Variants in MECOM observed in about 807,000 individuals in gnomAD.
MECOM encodes the protein MDS1 and EVI1 complex locus.
MECOM carries 13 observed loss-of-function variants against 116.3 expected under a neutral mutation model. The ratio of observed to expected loss-of-function variants is 0.11; its 90% CI spans 0.07 to 0.18. The LOEUF (loss-of-function observed/expected upper bound fraction) is 0.18, where lower values mean the gene tolerates loss of function less well. Ranked by LOEUF, MECOM falls within the 10% of genes least tolerant of loss-of-function variation. The pLI is 1.00. For missense variants in MECOM, 1,299 were observed against 1,509.0 expected, an observed-to-expected ratio of 0.86 and a Z score of 2.31; for synonymous variants, 528 against 535.2, an observed-to-expected ratio of 0.99 and a Z score of 0.19.
intron 1 of MECOM, among the ~76,000 whole-genome samples, chr3:169,542,429 G>A (rs1005544801): frequency 6.6e-6 from 1 of 152,106 alleles, no homozygotes; most frequent in Admixed American, 6.6e-5. Flanking sequence ...ATGCCCTGGG[G>A]ATTTAGTTGG....
At chr3:169,331,695 A>T (rs1014913834) in intron 2 of MECOM, among the ~76,000 whole-genome samples, 1 of 152,152 alleles carries the variant, frequency 6.6e-6, no homozygotes, top group African/African-American at 2.4e-5. Flanking sequence ...AATTGACCCT[A>T]CTATAAAAAT....
intron 2 of MECOM, among the ~76,000 whole-genome samples, chr3:169,352,874 G>A (rs1010526895): frequency 1.3e-5 from 2 of 151,874 alleles, no homozygotes; most frequent in African/African-American, 4.8e-5. Context: ...ACAATTTCTT[G>A]ATTAAAAATG....
intron 2 of MECOM, among the ~76,000 whole-genome samples, chr3:169,151,244 T>C (rs1244035000): frequency 6.6e-6 from 1 of 152,236 alleles, no homozygotes; most frequent in East Asian, 1.9e-4. Context: ...TGTCCACTTT[T>C]AATAGGCTTC....
intron 2 of MECOM, among the ~76,000 whole-genome samples, chr3:169,284,919 C>A (rs1712951501): frequency 6.6e-6 from 1 of 152,154 alleles, no homozygotes; most frequent in Admixed American, 6.5e-5. Context: ...CCATCTCGGG[C>A]AGTGACCCCA....
intron 8 of MECOM, among the ~76,000 whole-genome samples, chr3:169,114,376 C>A (rs1194561762): frequency 6.6e-6 from 1 of 152,050 alleles, no homozygotes; most frequent in Non-Finnish European, 1.5e-5. Flanking sequence ...CTTGTTAACG[C>A]ATTATAGATA....
At chr3:169,473,445 C>T (rs949657052) in intron 1 of MECOM, among the ~76,000 whole-genome samples, 1 of 152,124 alleles carries the variant, frequency 6.6e-6, no homozygotes, top group African/African-American at 2.4e-5. Flanking sequence ...TCTTGCTGTC[C>T]TACAGGTTAG....
rs56270349 is a variant in MECOM at position 169,659,440 on chromosome 3, A to ATTTTTTTTTTTTTTT, written c.37+3881_37+3895dup. On this transcript the variant is annotated intron_variant, in intron 1 of 16. Coordinates refer to ENST00000651503, the MANE Select transcript of MECOM (RefSeq NM_004991.4). ...GTAATTAACCTTCCCCTAAACACAG[A>ATTTTTTTTTTTTTTT]TTTTTTTTTTTTTTTTTTTTTTTTT... 4.2e-4 allele frequency among the ~76,000 whole-genome samples: 26 copies of ATTTTTTTTTTTTTTT among 62,142 alleles called. 6 individuals carry two copies. The highest frequency in any genetic ancestry group is 1.4e-3 in the Admixed American group (5 of 3,636). The allele number at this position is 62,142 out of a possible 152,430, so 40.8% of individuals were successfully genotyped here.
intron 2 of MECOM, among the ~76,000 whole-genome samples, chr3:169,357,805 G>A (rs565167829): frequency 1.3e-5 from 2 of 151,704 alleles, no homozygotes; most frequent in Non-Finnish European, 2.9e-5. Context: ...ATGAAAACTA[G>A]AGAAAATAAA....
At chr3:169,403,438 G>T (rs1736194069) in intron 1 of MECOM, among the ~76,000 whole-genome samples, 1 of 152,214 alleles carries the variant, frequency 6.6e-6, no homozygotes, top group Non-Finnish European at 1.5e-5. Flanking sequence ...CAATAAAATA[G>T]TGTCACAGAG....
rs371107878 is a variant in MECOM, at chr3:169,655,522, GA to G, written c.37+7813del. ...GCTATACAATGCCAAAATCTGTGGG[GA>G]AAAGTTGAAATCTCAATCATTTTAT... is the stretch of plus-strand genomic sequence containing the variant. On this transcript the variant is annotated intron_variant, in intron 1 of 16. Coordinates refer to ENST00000651503, the MANE Select transcript of MECOM (RefSeq NM_004991.4). Among the ~76,000 whole-genome samples the G allele has an allele frequency of 4.6e-3, 701 of 152,280 alleles. 10 individuals carry two copies. The highest frequency in any genetic ancestry group is 0.016 in the African/African-American group (666 of 41,546).
At chr3:169,368,167 T>C (rs547285146) in intron 2 of MECOM, among the ~76,000 whole-genome samples, 4 of 152,164 alleles carry the variant, frequency 2.6e-5, no homozygotes, top group African/African-American at 9.6e-5. Flanking sequence ...ATTCTACTAA[T>C]TAACATGCAG....
chr3:169,340,760 G>A (rs759910925), intron 2 of MECOM, among the ~76,000 whole-genome samples: 1 of 152,212 alleles, frequency 6.6e-6, no homozygotes. Flanking sequence ...GATAATGAAA[G>A]TGTGTCAGCT....
intron 2 of MECOM, among the ~76,000 whole-genome samples, chr3:169,343,497 T>C (rs912100065): frequency 3.3e-5 from 5 of 152,106 alleles, no homozygotes; most frequent in African/African-American, 1.2e-4. Context: ...GAATTCCTCC[T>C]GACTCGCCAG....
At chr3:169,466,997 G>A (rs771612909) in intron 1 of MECOM, 2 of 152,182 alleles carry the variant, frequency 1.3e-5, no homozygotes, top group Non-Finnish European at 2.9e-5. Flanking sequence ...ATAATTGATA[G>A]TAATCGTTAA....
At chr3:169,277,880 C>T (rs989587715) in intron 2 of MECOM, among the ~76,000 whole-genome samples, 2 of 152,188 alleles carry the variant, frequency 1.3e-5, no homozygotes, top group Non-Finnish European at 2.9e-5. Context: ...AAGAGATGCC[C>T]CTGTACCATC....
chr3:169,480,055 A>AT (rs1322690929), intron 1 of MECOM, among the ~76,000 whole-genome samples: 1 of 152,216 alleles, frequency 6.6e-6, no homozygotes. Context: ...TTCTACATTG[A>AT]TTCGCCTTTT....
chr3:169,378,501 G>GAA lies in MECOM; in HGVS notation c.375+2684_375+2685dup, dbSNP rs1333797649. On this transcript the variant is annotated intron_variant, in intron 2 of 16. Transcript: ENST00000651503. ...AGAAAGAGAGAGAGAAAGAAAGAAA[G>GAA]AAAGAAAGAAAGAAAAGAAAGAAAG... Among the ~76,000 whole-genome samples, 39 of 27,680 alleles carry GAA rather than the reference G, an allele frequency of 1.4e-3. 1 individual carries two copies. The highest frequency in any genetic ancestry group is 2.6e-3 in the African/African-American group (8 of 3,086). The allele number at this position is 27,680 out of a possible 152,430, so 18.2% of individuals were successfully genotyped here.
chr3:169,158,470 C>T (rs1053327843), intron 2 of MECOM, among the ~76,000 whole-genome samples: 1 of 152,098 alleles, frequency 6.6e-6, no homozygotes. Flanking sequence ...GAGCATGAGA[C>T]GGAAACACGA....
chr3:169,445,029 A>G (rs1744380928), intron 1 of MECOM, among the ~76,000 whole-genome samples: 1 of 152,230 alleles, frequency 6.6e-6, no homozygotes, highest in Non-Finnish European at 1.5e-5. Flanking sequence ...AGCATTCAAG[A>G]GGTGACTTGG....
Sources: gnomAD v4.1 joint callset for allele counts (sites outside exome capture counted in the v4.1 genomes callset) on GRCh38, gnomAD v4.1.1 for gene constraint, MANE v1.5 for transcripts, NCBI Gene and HGNC (gene_info 2026-07-23, HGNC 2026-07-21) for gene names.